The following QTMAN variants were observed in gnomAD, a reference collection of about 807,000 sequenced individuals.
QTMAN encodes tRNA-queuosine alpha-mannosyltransferase.
chr2:144,257,108 C>T, the QTMAN span, among the ~76,000 whole-genome samples: 4 of 128,148 alleles, frequency 3.1e-5, 1 homozygote, highest in East Asian at 1.0e-3. Flanking sequence ...AAAACCAGAA[C>T]AAAAGTAATG....
At chr2:144,332,632 C>T in the QTMAN span, 7 of 151,244 alleles carry the variant, frequency 4.6e-5, no homozygotes, top group South Asian at 2.1e-4. Flanking sequence ...CGAGGCTCCG[C>T]CTCTCTGCGC....
At chr2:144,189,930 T>G in the QTMAN span, among the ~76,000 whole-genome samples, 6 of 152,208 alleles carry the variant, frequency 3.9e-5, no homozygotes, top group African/African-American at 1.4e-4. Flanking sequence ...CCACCTTCTC[T>G]TTTCTTCACT....
chr2:143,994,074 G>A, the QTMAN span, among the ~76,000 whole-genome samples: 4 of 151,954 alleles, frequency 2.6e-5, no homozygotes, highest in African/African-American at 9.7e-5. Flanking sequence ...TACATGTTTG[G>A]GATAACAGGC....
the QTMAN span, among the ~76,000 whole-genome samples, chr2:144,056,242 T>C: frequency 6.6e-6 from 1 of 152,236 alleles, no homozygotes; most frequent in Non-Finnish European, 1.5e-5. Context: ...ATTGAGAATT[T>C]ATGTGAAATG....
chr2:144,107,561 T>C, the QTMAN span, among the ~76,000 whole-genome samples: 4 of 152,092 alleles, frequency 2.6e-5, no homozygotes, highest in South Asian at 4.1e-4. Context: ...CCAGAAGAAG[T>C]TGAATCTCTG....
the QTMAN span, among the ~76,000 whole-genome samples, chr2:144,263,961 T>A: frequency 6.6e-6 from 1 of 151,878 alleles, no homozygotes; most frequent in Non-Finnish European, 1.5e-5. Flanking sequence ...ATAAGCACTA[T>A]GATAGAAACA....
chr2:144,161,020 TAGTC>T, the QTMAN span, among the ~76,000 whole-genome samples: 1 of 152,106 alleles, frequency 6.6e-6, no homozygotes, highest in East Asian at 1.9e-4. Flanking sequence ...TCCTCTATGT[TAGTC>T]AGTCATAAGA....
At chr2:144,216,218 C>A in the QTMAN span, among the ~76,000 whole-genome samples, 3 of 152,276 alleles carry the variant, frequency 2.0e-5, no homozygotes, top group African/African-American at 4.8e-5. Context: ...TTCTATGAAG[C>A]CTTTCCCTGA....
the QTMAN span, chr2:143,963,837 G>A: frequency 2.6e-5 from 4 of 151,954 alleles, no homozygotes; most frequent in Non-Finnish European, 5.9e-5. Context: ...AAAGGACTGG[G>A]AGACAGAAGC....
chr2:143,972,454 A>G, the QTMAN span, among the ~76,000 whole-genome samples: 2 of 151,470 alleles, frequency 1.3e-5, no homozygotes, highest in Non-Finnish European at 2.9e-5. Flanking sequence ...TTTTTTTTTA[A>G]TTTTTATTTT....
the QTMAN span, among the ~76,000 whole-genome samples, chr2:144,259,270 C>T: frequency 4.6e-5 from 7 of 152,242 alleles, no homozygotes; most frequent in East Asian, 1.2e-3. Context: ...GTAATCCTCT[C>T]GCCTCAGCCT....
At chr2:143,952,621 T>A in the QTMAN span, 5 of 651,982 alleles carry the variant, frequency 7.7e-6, no homozygotes, top group Non-Finnish European at 1.1e-5. Flanking sequence ...CTTACTCTAA[T>A]GTATTAAAAC....
the QTMAN span, among the ~76,000 whole-genome samples, chr2:144,094,358 C>T: frequency 2.6e-5 from 4 of 152,124 alleles, no homozygotes; most frequent in Non-Finnish European, 4.4e-5. Context: ...TGGGAAAATA[C>T]TAAGCAAATA....
chr2:144,291,926 T>G, the QTMAN span, among the ~76,000 whole-genome samples: 6 of 152,174 alleles, frequency 3.9e-5, no homozygotes, highest in African/African-American at 1.4e-4. Flanking sequence ...TTCCTGAAAT[T>G]TAGCCTGATT....
chr2:144,175,414 A>C, the QTMAN span, among the ~76,000 whole-genome samples: 1 of 152,232 alleles, frequency 6.6e-6, no homozygotes, highest in East Asian at 1.9e-4. Flanking sequence ...TTACATGCCT[A>C]TCTCAGAGGA....
At chr2:143,951,817 C>T in the QTMAN span, among the ~76,000 whole-genome samples, 1 of 151,570 alleles carries the variant, frequency 6.6e-6, no homozygotes, top group Non-Finnish European at 1.5e-5. Flanking sequence ...TAGGTTAATA[C>T]AACTGGCATC....
At chr2:144,064,430 G>T in the QTMAN span, among the ~76,000 whole-genome samples, 1 of 152,050 alleles carries the variant, frequency 6.6e-6, no homozygotes, top group African/African-American at 2.4e-5. Flanking sequence ...TTACTCTCTA[G>T]AATGACATTT....
At chr2:144,150,182 T>C in the QTMAN span, among the ~76,000 whole-genome samples, 1 of 152,064 alleles carries the variant, frequency 6.6e-6, no homozygotes, top group African/African-American at 2.4e-5. Flanking sequence ...ACACAATTTC[T>C]TGCATGGCTT....
chr2:144,046,997 G>T, the QTMAN span, among the ~76,000 whole-genome samples: 2 of 152,152 alleles, frequency 1.3e-5, no homozygotes, highest in Non-Finnish European at 2.9e-5. Context: ...TGGACCGGGC[G>T]TGGTGGCTCA....
Sources: gnomAD v4.1 joint callset for allele counts (sites outside exome capture counted in the v4.1 genomes callset) on GRCh38, gnomAD v4.1.1 for gene constraint, MANE v1.5 for transcripts, NCBI Gene and HGNC (gene_info 2026-07-23, HGNC 2026-07-21) for gene names.